SATB1: variants seen among roughly 807,000 people sequenced by gnomAD.
The protein encoded by SATB1 is DNA-binding protein SATB1.
In SATB1, 11 loss-of-function variants were observed where a neutral mutation model predicts 86.9. The observed-to-expected ratio is 0.13, with a 90% CI of 0.08 to 0.21. SATB1 has a LOEUF of 0.21. Ranked by LOEUF, SATB1 falls within the 10% of genes least tolerant of loss-of-function variation. SATB1 has a pLI of 1.00. For missense variants in SATB1, 551 were observed against 937.6 expected (o/e 0.59, Z 5.39); for synonymous variants, 357 against 357.2 (o/e 1.00, Z 0.01).
rs140407488 is a variant in SATB1 at position 18,410,415 on chromosome 3, T to C, written c.639+4696A>G. On this transcript the variant is annotated intron_variant, in intron 5 of 10. Transcript: ENST00000338745. ...TCGGTATGAAGTCTCACCCTTGTGC[T>C]TCACCAGCGATGTAGCCATGGACGC... 1.5e-3 allele frequency among the ~76,000 whole-genome samples: 228 copies of C among 152,174 alleles called. 1 individual carries two copies. Among genetic ancestry groups the C allele is most frequent in the African/African-American group, 5.3e-3 (220 of 41,552 alleles).
chr3:18,362,273 C>T (rs2125149316), intron 9 of SATB1, among the ~76,000 whole-genome samples: 1 of 152,172 alleles, frequency 6.6e-6, no homozygotes, highest in African/African-American at 2.4e-5. Context: ...AATGTGAACA[C>T]AAACAGCCCT....
Position 18,386,746 on chromosome 3 carries a change from G to T in SATB1, c.1207-135C>A. 1.5e-6 allele frequency: 1 copy of T among 654,540 alleles called. No homozygotes were observed. The highest frequency in any genetic ancestry group is 2.6e-6 in the Non-Finnish European group (1 of 379,614). The allele number at this position is 654,540 out of a possible 1,614,324, so 40.5% of individuals were successfully genotyped here. ...ATTAATTCTGCATAGGAATATATTAGTTACAACTGAAGTGGTAGAGAAGAG... is the reference window on the plus strand; with the variant it reads ...ATTAATTCTGCATAGGAATATATTATTTACAACTGAAGTGGTAGAGAAGAG... On this transcript the variant is annotated intron_variant, in intron 7 of 10. Coordinates refer to ENST00000338745, the MANE Select transcript of SATB1 (RefSeq NM_002971.6). The surrounding 1 kb of genome is among the most constrained non-coding windows in gnomAD (Gnocchi z 4.5).
At chr3:18,405,402 C>A (rs1697472107) in intron 5 of SATB1, among the ~76,000 whole-genome samples, 1 of 151,676 alleles carries the variant, frequency 6.6e-6, no homozygotes, top group Non-Finnish European at 1.5e-5. Flanking sequence ...CTAAATAGAG[C>A]CTTTTAAAAA....
rs1575135952 is a variant in SATB1 at position 18,394,870 on chromosome 3, A to C, written c.798T>G (p.His266Gln). 1 of 1,612,392 alleles carries C rather than the reference A, an allele frequency of 6.2e-7. No individual in the cohort carries two copies. Among genetic ancestry groups the C allele is most frequent in the Non-Finnish European group, 8.5e-7 (1 of 1,179,320 alleles). ...LSELSQQGAN[H>Q]VNFGQQPVPG... ...GAACTGGTTGCTGGCCAAAATTGAC[A>C]TGATTGGCGCCTTGCTGGGATAGCT... Residue 266 changes from histidine to glutamine, a missense_variant, in exon 7 of 11, where the codon CAT (histidine) becomes CAG (glutamine). Physicochemically the swap from His to Gln is conservative, Grantham distance 24 (BLOSUM62 0). Coordinates refer to ENST00000338745, the MANE Select transcript of SATB1 (RefSeq NM_002971.6). The surrounding 1 kb of genome is among the most constrained non-coding windows in gnomAD (Gnocchi z 5.9).
At chr3:18,405,421 A>C (rs144573507) in intron 5 of SATB1, among the ~76,000 whole-genome samples, 390 of 152,088 alleles carry the variant, frequency 2.6e-3, no homozygotes, top group African/African-American at 8.0e-3. Context: ...AAAACAAAAC[A>C]AAACCAAAAA....
Position 18,349,135 on chromosome 3 carries a change from C to T in SATB1, c.*35G>A. On this transcript the variant is annotated 3_prime_UTR_variant, in exon 11 of 11. Coordinates refer to ENST00000338745, the MANE Select transcript of SATB1 (RefSeq NM_002971.6). This position sits in a 1 kb window ranked among gnomAD's most constrained non-coding sequence, Gnocchi z 5.5. ...GACTTTTCATTTTGTTAGTAAATAC[C>T]AGTGGCACTGTTGAACGAAACAAAT... is the stretch of plus-strand genomic sequence containing the variant. 1.3e-6 allele frequency: 2 copies of T among 1,597,438 alleles called. No homozygotes were observed. Among genetic ancestry groups the T allele is most frequent in the South Asian group, 2.3e-5 (2 of 87,954 alleles).
chr3:18,417,105 T>C (rs1698155208), intron 2 of SATB1, 27 bp from the exon 3 acceptor site: 3 of 1,602,292 alleles, frequency 1.9e-6, no homozygotes, highest in Middle Eastern at 1.7e-4. Context: ...GAAGAAGAGA[T>C]GGAAAACCAA....
chr3:18,417,644 T>C, intron 2 of SATB1: 2 of 698,658 alleles, frequency 2.9e-6, no homozygotes, highest in African/African-American at 1.7e-5. Flanking sequence ...TAGCTCTAAC[T>C]GGTTCCACAA....
At chr3:18,380,763 T>A (rs1696012604) in intron 8 of SATB1, among the ~76,000 whole-genome samples, 1 of 152,030 alleles carries the variant, frequency 6.6e-6, no homozygotes, top group Non-Finnish European at 1.5e-5. Flanking sequence ...TAAGGGAAAC[T>A]GACTTGGACA....
At chr3:18,381,334 A>C (rs1327334148) in intron 8 of SATB1, among the ~76,000 whole-genome samples, 1 of 152,240 alleles carries the variant, frequency 6.6e-6, no homozygotes, top group Non-Finnish European at 1.5e-5. Flanking sequence ...CACTGCTTTT[A>C]CACAAGCAAA....
Position 18,348,842 on chromosome 3 carries a change from G to C in SATB1, c.*328C>G. The stretch of plus-strand genomic sequence containing the variant: ...ATCACAGAAGGTATAATGCTTGTTT[G>C]AGGCTCCGGAATAAGAACTAAAAAA... On this transcript the variant is annotated 3_prime_UTR_variant, in exon 11 of 11. Transcript: ENST00000338745. The C allele has an allele frequency of 7.3e-6, 2 of 275,476 alleles. No individual in the cohort carries two copies. The highest frequency in any genetic ancestry group is 1.4e-5 in the Non-Finnish European group (2 of 146,428). The allele number at this position is 275,476 out of a possible 1,614,324, so 17.1% of individuals were successfully genotyped here. A position where few individuals can be genotyped will look rare whatever the true frequency, so the allele number is the denominator to read the frequency against.
At chr3:18,404,854 G>T (rs1298386135) in intron 5 of SATB1, among the ~76,000 whole-genome samples, 2 of 151,830 alleles carry the variant, frequency 1.3e-5, no homozygotes, top group Non-Finnish European at 2.9e-5. Context: ...TTTTTAAAAG[G>T]TATATTAAGA....
intron 9 of SATB1, among the ~76,000 whole-genome samples, chr3:18,355,779 T>C (rs1018132893): frequency 4.6e-5 from 7 of 151,932 alleles, no homozygotes; most frequent in African/African-American, 1.7e-4. Context: ...CACAACTGTT[T>C]TGAACAGTAG....
At chr3:18,387,075 T>G (rs1445014454) in intron 7 of SATB1, among the ~76,000 whole-genome samples, 2 of 152,194 alleles carry the variant, frequency 1.3e-5, no homozygotes, top group African/African-American at 4.8e-5. Flanking sequence ...TTTAACATAT[T>G]AGAACAAAGG....
At chr3:18,438,381 A>G (rs1426136082) in intron 1 of SATB1, among the ~76,000 whole-genome samples, 1 of 152,090 alleles carries the variant, frequency 6.6e-6, no homozygotes, top group Non-Finnish European at 1.5e-5. Flanking sequence ...ACTGTATCTC[A>G]CCACCCAAAA....
chr3:18,445,174 G>GC (rs911496603), intron 1 of SATB1: 598 of 959,134 alleles, frequency 6.2e-4, no homozygotes, highest in Non-Finnish European at 7.3e-4. Flanking sequence ...CAGCGGGGCG[G>GC]CCAGGGCCCG....
chr3:18,353,387 T>C (rs1339032530), intron 9 of SATB1, among the ~76,000 whole-genome samples: 4 of 152,112 alleles, frequency 2.6e-5, no homozygotes, highest in African/African-American at 4.8e-5. Flanking sequence ...CCTCTTTCGC[T>C]TCCCTATCCT....
At chr3:18,360,398 G>A (rs565354184) in intron 9 of SATB1, among the ~76,000 whole-genome samples, 12 of 152,182 alleles carry the variant, frequency 7.9e-5, no homozygotes, top group East Asian at 1.9e-4. Context: ...GGCTGTTTTC[G>A]AGGTTCCTCC....
intron 1 of SATB1, among the ~76,000 whole-genome samples, chr3:18,437,847 A>G (rs1443579334): frequency 2.0e-5 from 3 of 152,182 alleles, no homozygotes; most frequent in Non-Finnish European, 4.4e-5. Context: ...ATTTTTTAAA[A>G]ATTTAAAACT....
Sources: allele counts gnomAD v4.1 joint callset (sites outside exome capture counted in the v4.1 genomes callset), GRCh38; gene constraint gnomAD v4.1.1; non-coding constraint Gnocchi (gnomAD v3.1); transcripts MANE v1.5; gene names NCBI Gene and HGNC (gene_info 2026-07-23, HGNC 2026-07-21).